Variants in CDC42BPA observed in about 807,000 individuals in gnomAD.
CDC42BPA encodes CDC42 binding protein kinase alpha.
A neutral mutation model predicts 223.5 loss-of-function variants in CDC42BPA; 80 were observed. The observed-to-expected ratio is 0.36, with a 90% CI of 0.30 to 0.43. The LOEUF (loss-of-function observed/expected upper bound fraction) is 0.43. Among genes scored for constraint, CDC42BPA ranks in the 20% least tolerant of loss-of-function variants. The pLI is 1.00. For missense variants in CDC42BPA, 1,743 were observed against 2,099.9 expected, an observed-to-expected ratio of 0.83 and a Z score of 3.32; for synonymous variants, 694 against 718.6, an observed-to-expected ratio of 0.97 and a Z score of 0.55.
chr1:227,248,813 T>C (rs114174792), intron 2 of CDC42BPA, among the ~76,000 whole-genome samples: 44 of 152,224 alleles, frequency 2.9e-4, no homozygotes, highest in African/African-American at 1.0e-3. Context: ...AAATATTCAA[T>C]GTACATGGGT....
rs931421958 is a variant in CDC42BPA, at chr1:227,074,983, A to G, written c.2481-619T>C. Among the ~76,000 whole-genome samples, 3 of 152,338 alleles carry G rather than the reference A, an allele frequency of 2.0e-5. No homozygotes were observed. In the South Asian group the frequency reaches 6.2e-4, roughly 32 times the overall value. On this transcript the variant is annotated intron_variant, in intron 17 of 36. Coordinates refer to ENST00000366766, the MANE Select transcript of CDC42BPA (RefSeq NM_001394014.1). ...GACAGAAAGTTTTCAAATTATATTTAGTAAGACAAATTCCACATTTTAGAA... is the reference window on the plus strand; with the variant it reads ...GACAGAAAGTTTTCAAATTATATTTGGTAAGACAAATTCCACATTTTAGAA...
intron 5 of CDC42BPA, among the ~76,000 whole-genome samples, chr1:227,187,184 G>A (rs745694070): frequency 1.3e-5 from 2 of 152,032 alleles, no homozygotes; most frequent in African/African-American, 2.4e-5. Context: ...GACAGAGACT[G>A]GACAGACATC....
At chr1:227,237,575 A>G (rs1032793653) in intron 2 of CDC42BPA, among the ~76,000 whole-genome samples, 2 of 152,206 alleles carry the variant, frequency 1.3e-5, no homozygotes, top group Admixed American at 1.3e-4. Context: ...CACTATACCA[A>G]TAGTTTATTC....
At chr1:227,152,342 G>A (rs1661945046) in intron 6 of CDC42BPA, among the ~76,000 whole-genome samples, 1 of 151,946 alleles carries the variant, frequency 6.6e-6, no homozygotes, top group African/African-American at 2.4e-5. Context: ...TTTTCTAAGA[G>A]TTTCACAGTT....
intron 34 of CDC42BPA, among the ~76,000 whole-genome samples, chr1:227,009,035 T>C (rs1558270462): frequency 6.6e-6 from 1 of 152,200 alleles, no homozygotes; most frequent in Non-Finnish European, 1.5e-5. Flanking sequence ...CTATACATTT[T>C]TTTATTGTTT....
chr1:227,048,085 C>A, intron 22 of CDC42BPA, 75 bp from the exon 23 acceptor site: 5 of 853,438 alleles, frequency 5.9e-6, no homozygotes, highest in South Asian at 2.0e-5. Flanking sequence ...AGAAAGAAGC[C>A]AAAATAAATA....
chr1:227,260,309 G>C (rs1010449933), intron 1 of CDC42BPA, among the ~76,000 whole-genome samples: 2 of 151,132 alleles, frequency 1.3e-5, no homozygotes, highest in East Asian at 1.9e-4. Context: ...AACACTGCCT[G>C]GGGTTCATTG....
chr1:227,095,140 T>C (rs950793408), intron 15 of CDC42BPA, among the ~76,000 whole-genome samples: 2 of 152,330 alleles, frequency 1.3e-5, no homozygotes, highest in East Asian at 1.9e-4. Flanking sequence ...TCCTCATCCT[T>C]TCCCTTAAAA....
chr1:227,060,020 GTTTTTTT>G (rs143944932), intron 21 of CDC42BPA, among the ~76,000 whole-genome samples: 12,655 of 94,036 alleles, frequency 0.13, 674 homozygotes, highest in Middle Eastern at 0.22. Flanking sequence ...ATCTCAAAAA[GTTTTTTT>G]TTGTTTTTTT....
At chr1:227,168,792 C>T (rs7520364) in intron 5 of CDC42BPA, among the ~76,000 whole-genome samples, 104,014 of 151,878 alleles carry the variant, frequency 0.68, 35,824 homozygotes, top group South Asian at 0.73. Context: ...CCACTGCACT[C>T]GGCCCCCTGG....
rs567021074 is a variant in CDC42BPA, at chr1:227,021,954, A to C, written c.4615+1309T>G. ...AGAATCGCTTGAACCCAGGAGGCAG[A>C]GGTTGCAGTGAGCTGAGATGGTGCC... On this transcript the variant is annotated intron_variant, in intron 32 of 36. Transcript: ENST00000366766. Among the ~76,000 whole-genome samples, 633 of 152,202 alleles carry C rather than the reference A, an allele frequency of 4.2e-3. 6 individuals are homozygous for C. The highest frequency in any genetic ancestry group is 0.015 in the African/African-American group (608 of 41,504).
chr1:227,177,145 A>G (rs1487244486), intron 5 of CDC42BPA, among the ~76,000 whole-genome samples: 2 of 151,342 alleles, frequency 1.3e-5, no homozygotes, highest in Non-Finnish European at 2.9e-5. Flanking sequence ...AAATATATAT[A>G]TATACAGTAT....
At chr1:227,081,452 CTCTCT>C (rs1367719267) in intron 16 of CDC42BPA, among the ~76,000 whole-genome samples, 8 of 137,888 alleles carry the variant, frequency 5.8e-5, no homozygotes, top group East Asian at 4.1e-4. Context: ...CCTGTTCTCT[CTCTCT>C]TTTTTTTTTT....
At chr1:227,278,018 G>A (rs1220554639) in intron 1 of CDC42BPA, among the ~76,000 whole-genome samples, 1 of 152,150 alleles carries the variant, frequency 6.6e-6, no homozygotes, top group Non-Finnish European at 1.5e-5. Flanking sequence ...CTAAGTGCTG[G>A]GATTACAGGC....
chr1:227,111,826 T>C (rs1197669332), intron 14 of CDC42BPA, among the ~76,000 whole-genome samples: 2 of 152,184 alleles, frequency 1.3e-5, no homozygotes, highest in Non-Finnish European at 2.9e-5. Flanking sequence ...AGCAAGTAAC[T>C]GGTGAAAGCA....
chr1:227,241,480 T>C (rs1008931493), intron 2 of CDC42BPA, among the ~76,000 whole-genome samples: 13 of 152,122 alleles, frequency 8.5e-5, no homozygotes, highest in Non-Finnish European at 1.9e-4. Context: ...GGAACATTGA[T>C]AAAATGGTAT....
At chr1:227,116,452 A>T (rs1687790199) in intron 12 of CDC42BPA, among the ~76,000 whole-genome samples, 1 of 152,216 alleles carries the variant, frequency 6.6e-6, no homozygotes, top group African/African-American at 2.4e-5. Flanking sequence ...TACAGCAAAC[A>T]TTATTAGCGA....
chr1:227,259,552 T>C (rs912721245), intron 1 of CDC42BPA, among the ~76,000 whole-genome samples: 2 of 151,052 alleles, frequency 1.3e-5, no homozygotes, highest in African/African-American at 2.5e-5. Context: ...TTACACTAAA[T>C]ACTTGGTTTT....
At chr1:227,236,400 C>A (rs575462192) in intron 2 of CDC42BPA, among the ~76,000 whole-genome samples, 1 of 152,208 alleles carries the variant, frequency 6.6e-6, no homozygotes, top group South Asian at 2.1e-4. Context: ...TTTTTATCTG[C>A]TTATCAATTT....
Sources: gnomAD v4.1 joint callset for allele counts (sites outside exome capture counted in the v4.1 genomes callset) on GRCh38, gnomAD v4.1.1 for gene constraint, MANE v1.5 for transcripts, NCBI Gene and HGNC (gene_info 2026-07-23, HGNC 2026-07-21) for gene names.